TXNRD3: variants seen among roughly 807,000 people sequenced by gnomAD.
The protein encoded by TXNRD3 is TXNRD3 neighbor gene protein.
In TXNRD3, 68 loss-of-function variants were observed where a neutral mutation model predicts 78.2. That is an observed-to-expected ratio of 0.87 (90% confidence interval 0.72 to 1.06). The LOEUF is 1.06. Ranked by LOEUF, TXNRD3 falls within the 50% of genes least tolerant of loss-of-function variation. The pLI is 0.00. For missense variants in TXNRD3, 751 were observed against 809.5 expected (o/e 0.93, Z 0.88); for synonymous variants, 296 against 300.1 (o/e 0.99, Z 0.14).
intron 6 of TXNRD3, among the ~76,000 whole-genome samples, chr3:126,641,779 ATTAC>A (rs1176388369): frequency 2.0e-5 from 3 of 152,148 alleles, no homozygotes; most frequent in African/African-American, 7.2e-5. Context: ...GAAAATAGCG[ATTAC>A]TTAATCTTTT....
At chr3:126,636,921 T>C (rs1052005536) in intron 6 of TXNRD3, among the ~76,000 whole-genome samples, 4 of 150,198 alleles carry the variant, frequency 2.7e-5, no homozygotes, top group African/African-American at 5.0e-5. Flanking sequence ...AGGTTTCTTT[T>C]GTGATTTTTT....
At chr3:126,613,509 A>G (rs1375275316) in intron 13 of TXNRD3, among the ~76,000 whole-genome samples, 1 of 152,248 alleles carries the variant, frequency 6.6e-6, no homozygotes, top group Admixed American at 6.5e-5. Context: ...ACATTAACTC[A>G]AAATGGATCA....
intron 10 of TXNRD3, among the ~76,000 whole-genome samples, chr3:126,628,487 T>G (rs1389870550): frequency 4.6e-5 from 7 of 152,100 alleles, no homozygotes; most frequent in Non-Finnish European, 8.8e-5. Context: ...TACTGAATAC[T>G]AAATCAAAAC....
intron 14 of TXNRD3, 77 bp downstream of exon 14, chr3:126,610,960 T>G: frequency 2.1e-6 from 2 of 947,726 alleles, no homozygotes; most frequent in South Asian, 2.2e-5. Flanking sequence ...AAAAAAAAAA[T>G]TATAGAAATC....
At chr3:126,609,062 C>G in intron 14 of TXNRD3, 1 of 309,726 alleles carries the variant, frequency 3.2e-6, no homozygotes, top group South Asian at 2.8e-5. Flanking sequence ...CAAGTGGAGA[C>G]AAAGGAGAGG....
rs1938850293 is a variant in TXNRD3, at chr3:126,635,936, CA to C, written c.713-1886del. On this transcript the variant is annotated intron_variant, in intron 6 of 15. Coordinates refer to ENST00000524230, the MANE Select transcript of TXNRD3 (RefSeq NM_052883.3). Reference sequence around the variant, plus strand: ...ACACACATATATACAAACACACACACAAACATATTTTAAGAGACAGAGTCTC... The same window carrying C: ...ACACACATATATACAAACACACACACAACATATTTTAAGAGACAGAGTCTC... Among the ~76,000 whole-genome samples, 3 of 152,024 alleles carry C rather than the reference CA, an allele frequency of 2.0e-5. No homozygotes were observed. The East Asian group carries it at 5.8e-4, about 29-fold the overall frequency.
At chr3:126,610,949 A>G (rs1576278757) in intron 14 of TXNRD3, 88 bp downstream of exon 14, 1 of 509,200 alleles carries the variant, frequency 2.0e-6, no homozygotes, top group Non-Finnish European at 2.9e-6. Context: ...TCCCGTCTCT[A>G]AAAAAAAAAA....
Position 126,641,998 on chromosome 3 carries a change from T to C in TXNRD3, c.712+34A>G, listed in dbSNP as rs753345354. The C allele has an allele frequency of 5.4e-6, 8 of 1,476,816 alleles. No homozygotes were observed. In the South Asian group the frequency reaches 1.1e-4, roughly 20 times the overall value. 91.5% of individuals were successfully genotyped at this position (1,476,816 alleles called of 1,614,324 possible). A position where few individuals can be genotyped will look rare whatever the true frequency, so the allele number is the denominator to read the frequency against. On this transcript the variant is annotated intron_variant, in intron 6 of 15. Coordinates refer to ENST00000524230, the MANE Select transcript of TXNRD3 (RefSeq NM_052883.3). The stretch of plus-strand genomic sequence containing the variant: ...TATCTAAAAAACTCATTTTTTCTTT[T>C]CTCTCAATCTATACTTTATGAACCA...
At chr3:126,645,975 C>G (rs1272685322) in intron 3 of TXNRD3, 136 bp downstream of exon 3, 1 of 652,740 alleles carries the variant, frequency 1.5e-6, no homozygotes, top group Non-Finnish European at 2.4e-6. Flanking sequence ...TCAGTATTAT[C>G]TGATAATTAT....
chr3:126,620,832 T>C (rs1013443267), intron 12 of TXNRD3, among the ~76,000 whole-genome samples: 1 of 148,584 alleles, frequency 6.7e-6, no homozygotes, highest in Non-Finnish European at 1.5e-5. Context: ...CCTACACACA[T>C]TGCAAAATGT....
intron 12 of TXNRD3, among the ~76,000 whole-genome samples, chr3:126,621,207 T>C (rs1938448229): frequency 6.6e-6 from 1 of 152,230 alleles, no homozygotes; most frequent in Non-Finnish European, 1.5e-5. Flanking sequence ...AATCATCTGA[T>C]TCACATCCTT....
chr3:126,622,246 T>C (rs1042666041), intron 11 of TXNRD3, among the ~76,000 whole-genome samples: 3 of 152,244 alleles, frequency 2.0e-5, no homozygotes, highest in Non-Finnish European at 2.9e-5. Flanking sequence ...CTGCAATTAT[T>C]TCTTAAAGTC....
rs1938792493 is a variant in TXNRD3, at chr3:126,634,052, C to G, written c.713-1G>C. 2.7e-6 allele frequency: 4 copies of G among 1,490,720 alleles called. No homozygotes were observed. The South Asian group carries it at 5.3e-5, about 20-fold the overall frequency. The allele number at this position is 1,490,720 out of a possible 1,614,324, so 92.3% of individuals were successfully genotyped here. ...GTCATTGTCTCCCAGTTGTGCCTCA[C>G]TAAGAAGAAATAATCAGGGTGAAGA... is the stretch of plus-strand genomic sequence containing the variant. On this transcript the variant is annotated splice_acceptor_variant, in intron 6 of 15. Coordinates refer to ENST00000524230, the MANE Select transcript of TXNRD3 (RefSeq NM_052883.3). LOFTEE classifies it high-confidence loss of function.
intron 15 of TXNRD3, 133 bp downstream of exon 15, chr3:126,608,366 A>C: frequency 9.2e-7 from 1 of 1,087,444 alleles, no homozygotes; most frequent in Non-Finnish European, 1.2e-6. Flanking sequence ...GTCTGAAAAA[A>C]ATAAAATGAA....
intron 12 of TXNRD3, 100 bp downstream of exon 12, chr3:126,621,642 A>T (rs1387979536): frequency 8.7e-7 from 1 of 1,149,210 alleles, no homozygotes; most frequent in African/African-American, 1.6e-5. Context: ...TCTCTGAGGA[A>T]CCCTTTACTT....
intron 7 of TXNRD3, 98 bp downstream of exon 7, chr3:126,633,811 G>GT: frequency 1.0e-6 from 1 of 998,626 alleles, no homozygotes; most frequent in South Asian, 2.6e-5. Context: ...ACGCACGCCT[G>GT]TTACACCCCT....
intron 5 of TXNRD3, 80 bp downstream of exon 5, chr3:126,643,901 T>G: frequency 7.6e-7 from 1 of 1,308,620 alleles, no homozygotes; most frequent in Non-Finnish European, 1.0e-6. Context: ...CTTGAGATTG[T>G]TGTGAGGATT....
Position 126,654,893 on chromosome 3 carries a change from G to A in TXNRD3, c.98C>T (p.Pro33Leu). The A allele has an allele frequency of 1.5e-6, 2 of 1,322,546 alleles. No individual in the cohort carries two copies. The highest frequency in any genetic ancestry group is 1.9e-6 in the Non-Finnish European group (2 of 1,044,958). The allele number at this position is 1,322,546 out of a possible 1,614,324, so 81.9% of individuals were successfully genotyped here. Residue 33 changes from proline to leucine, a missense_variant, in exon 1 of 16, where the codon CCG (proline) becomes CTG (leucine). Pro to Leu is a moderately conservative substitution (Grantham distance 98). Transcript: ENST00000524230. ...CGACAGGCGGGCACGGCGCCCCGGC[G>A]GCGACAACACGCGCGCCCCTCGGAC...
chr3:126,651,135 G>A (rs1016649335), intron 1 of TXNRD3, among the ~76,000 whole-genome samples: 1 of 152,178 alleles, frequency 6.6e-6, no homozygotes, highest in Non-Finnish European at 1.5e-5. Context: ...TCTAATTTTG[G>A]GGGATACATT....
Sources: gnomAD v4.1 joint callset for allele counts (sites outside exome capture counted in the v4.1 genomes callset) on GRCh38, gnomAD v4.1.1 for gene constraint, MANE v1.5 for transcripts, NCBI Gene and HGNC (gene_info 2026-07-23, HGNC 2026-07-21) for gene names.